Variants in SORCS3 observed in about 807,000 individuals in gnomAD.
The protein encoded by SORCS3 is VPS10 domain-containing receptor SorCS3.
Under a neutral mutation model 146.3 loss-of-function variants are expected in SORCS3, and 57 were observed. That is an observed-to-expected ratio of 0.39 (90% confidence interval 0.31 to 0.49). The LOEUF (loss-of-function observed/expected upper bound fraction) is 0.49, where lower values mean the gene tolerates loss of function less well. Ranked by LOEUF, SORCS3 falls within the 20% of genes least tolerant of loss-of-function variation. The probability of loss-of-function intolerance (pLI) is 0.92; values close to 1 mark genes in which losing one functional copy is unlikely to be tolerated. For missense variants in SORCS3, 1,341 were observed against 1,575.5 expected (o/e 0.85, Z 2.52); for synonymous variants, 653 against 618.5 (o/e 1.06, Z -0.83).
At chr10:104,957,084 G>C (rs559078135) in intron 3 of SORCS3, among the ~76,000 whole-genome samples, 30 of 152,094 alleles carry the variant, frequency 2.0e-4, no homozygotes, top group Non-Finnish European at 4.0e-4. Flanking sequence ...TCCTTCTCAG[G>C]TACATCATTC....
chr10:104,669,024 C>T (rs574938890), intron 1 of SORCS3, among the ~76,000 whole-genome samples: 1 of 152,294 alleles, frequency 6.6e-6, no homozygotes, highest in African/African-American at 2.4e-5. Context: ...TACACTTCAG[C>T]AGAGAGAAGT....
At chr10:104,909,661 G>A (rs1417409782) in intron 2 of SORCS3, among the ~76,000 whole-genome samples, 1 of 152,144 alleles carries the variant, frequency 6.6e-6, no homozygotes, top group Non-Finnish European at 1.5e-5. Context: ...GAGAACATCA[G>A]ATGGCCCCGT....
chr10:104,842,184 G>C (rs944410002), intron 1 of SORCS3, among the ~76,000 whole-genome samples: 1 of 152,202 alleles, frequency 6.6e-6, no homozygotes, highest in Non-Finnish European at 1.5e-5. Flanking sequence ...GTCCAGTGGG[G>C]TTCAATGATC....
Position 105,162,003 on chromosome 10 carries a change from C to T in SORCS3, c.1733-2300C>T, listed in dbSNP as rs60141456. On this transcript the variant is annotated intron_variant, in intron 11 of 26. Coordinates refer to ENST00000369701, the MANE Select transcript of SORCS3 (RefSeq NM_014978.3). ...CTTTCTGTGGAGGCCCTCCTCCCGC[C>T]CCTGCCCCTGCAGGGGCAAGTTGCT... Among the ~76,000 whole-genome samples the T allele has an allele frequency of 8.0e-3, 1,210 of 152,098 alleles. 22 individuals carry two copies. Among genetic ancestry groups the T allele is most frequent in the African/African-American group, 0.028 (1,149 of 41,486 alleles).
chr10:104,798,639 C>T (rs905954675), intron 1 of SORCS3, among the ~76,000 whole-genome samples: 4 of 152,128 alleles, frequency 2.6e-5, no homozygotes, highest in African/African-American at 9.7e-5. Flanking sequence ...AACTAAGTAT[C>T]CACTCACCAT....
chr10:104,972,795 A>G (rs1389118675), intron 3 of SORCS3, among the ~76,000 whole-genome samples: 2 of 152,140 alleles, frequency 1.3e-5, no homozygotes, highest in Non-Finnish European at 2.9e-5. Context: ...GAATGCTTCC[A>G]GTTTTTGCCC....
At chr10:104,801,036 C>T (rs2017618181) in intron 1 of SORCS3, among the ~76,000 whole-genome samples, 1 of 152,202 alleles carries the variant, frequency 6.6e-6, no homozygotes, top group African/African-American at 2.4e-5. Context: ...TTTTATTGCT[C>T]TTTTTCCATG....
At chr10:105,066,460 G>C (rs945420211) in intron 5 of SORCS3, among the ~76,000 whole-genome samples, 1 of 152,166 alleles carries the variant, frequency 6.6e-6, no homozygotes, top group Non-Finnish European at 1.5e-5. Flanking sequence ...CCCTTCACTG[G>C]CCACAAAAGG....
chr10:105,251,186 T>C (rs1373524604), intron 22 of SORCS3, among the ~76,000 whole-genome samples: 3 of 152,086 alleles, frequency 2.0e-5, no homozygotes, highest in Non-Finnish European at 4.4e-5. Flanking sequence ...CTCAGGAAAC[T>C]TAACAATCAT....
chr10:104,718,147 AAAAT>A (rs907552435), intron 1 of SORCS3, among the ~76,000 whole-genome samples: 12 of 151,968 alleles, frequency 7.9e-5, no homozygotes, highest in African/African-American at 1.2e-4. Flanking sequence ...CTCCGTCCTC[AAAAT>A]AAATAAATAA....
At chr10:104,979,820 T>C (rs1336817170) in intron 4 of SORCS3, among the ~76,000 whole-genome samples, 1 of 152,196 alleles carries the variant, frequency 6.6e-6, no homozygotes, top group Non-Finnish European at 1.5e-5. Flanking sequence ...AGGCTTAGTA[T>C]AGCCAGAAAT....
At chr10:104,850,886 C>A (rs1244577906) in intron 2 of SORCS3, among the ~76,000 whole-genome samples, 2 of 152,206 alleles carry the variant, frequency 1.3e-5, no homozygotes, top group East Asian at 3.8e-4. Flanking sequence ...GCACAACCAC[C>A]TTCTTTCATA....
rs11340368 is a variant in SORCS3, at chr10:105,182,230, C to CTTTTTTTTTTTTTTTTTTTTTTTT, written c.2009+4080_2009+4081insTTTTTTTTTTTTTTTTTTTTTTTT. Among the ~76,000 whole-genome samples, 9 of 70,488 alleles carry CTTTTTTTTTTTTTTTTTTTTTTTT rather than the reference C, an allele frequency of 1.3e-4. 2 individuals carry two copies. Among genetic ancestry groups the CTTTTTTTTTTTTTTTTTTTTTTTT allele is most frequent in the Admixed American group, 1.9e-4 (1 of 5,222 alleles). 46.2% of individuals were successfully genotyped at this position (70,488 alleles called of 152,430 possible). A position where few individuals can be genotyped will look rare whatever the true frequency, so the allele number is the denominator to read the frequency against. On this transcript the variant is annotated intron_variant, in intron 14 of 26. Transcript: ENST00000369701. ...CAGCCAACTTGTGACTATTCAGCAT[C>CTTTTTTTTTTTTTTTTTTTTTTTT]TTTTTTTTTTTTTTTTTTTTTTTGT...
intron 4 of SORCS3, among the ~76,000 whole-genome samples, chr10:104,977,730 CTTTTT>C (rs796233007): frequency 2.4e-5 from 3 of 122,910 alleles, no homozygotes; most frequent in African/African-American, 3.0e-5. Flanking sequence ...CTTTTCTTTT[CTTTTT>C]TTTTTTTTTT....
At chr10:104,657,448 G>A (rs1164980698) in intron 1 of SORCS3, among the ~76,000 whole-genome samples, 1 of 152,232 alleles carries the variant, frequency 6.6e-6, no homozygotes, top group African/African-American at 2.4e-5. Flanking sequence ...TATAAAGTGA[G>A]GCTCACCTGT....
At chr10:104,683,846 C>T (rs2016010276) in intron 1 of SORCS3, among the ~76,000 whole-genome samples, 1 of 152,150 alleles carries the variant, frequency 6.6e-6, no homozygotes, top group Non-Finnish European at 1.5e-5. Flanking sequence ...TGGTAAGCAT[C>T]TTCTATATGC....
intron 1 of SORCS3, among the ~76,000 whole-genome samples, chr10:104,810,723 A>G (rs2017730857): frequency 6.6e-6 from 1 of 152,226 alleles, no homozygotes; most frequent in African/African-American, 2.4e-5. Flanking sequence ...TTGGGAATTT[A>G]CTTTGCTGAA....
At chr10:104,674,489 C>A (rs2015891617) in intron 1 of SORCS3, among the ~76,000 whole-genome samples, 2 of 152,200 alleles carry the variant, frequency 1.3e-5, no homozygotes, top group Non-Finnish European at 2.9e-5. Context: ...TGGCAACAAC[C>A]AATGAAGAAT....
rs745359808 is a variant in SORCS3, at chr10:105,255,728, C to T, written c.3264C>T (p.Leu1088=). The change falls in exon 24 of 27, where the codon CTC becomes CTT. Residue 1088 remains leucine (L), a synonymous_variant. Coordinates refer to ENST00000369701, the MANE Select transcript of SORCS3 (RefSeq NM_014978.3). ...EQIVETLFNA[L]NQNLVQFELK... Reference sequence around the variant, plus strand: ...TTGTAGAAACACTGTTTAATGCTCTCAACCAAAATTTGGTCCAGTTTGAGC... The same window carrying T: ...TTGTAGAAACACTGTTTAATGCTCTTAACCAAAATTTGGTCCAGTTTGAGC... 1.2e-6 allele frequency: 2 copies of T among 1,613,910 alleles called. No homozygotes were observed. Among genetic ancestry groups the T allele is most frequent in the Non-Finnish European group, 1.7e-6 (2 of 1,179,918 alleles).
Sources: gnomAD v4.1 joint callset for allele counts (sites outside exome capture counted in the v4.1 genomes callset) on GRCh38, gnomAD v4.1.1 for gene constraint, MANE v1.5 for transcripts, NCBI Gene and HGNC (gene_info 2026-07-23, HGNC 2026-07-21) for gene names.